TRPM4: variants seen among roughly 807,000 people sequenced by gnomAD.
TRPM4 encodes the protein calcium-activated non-selective cation channel 1.
Under a neutral mutation model 135.6 loss-of-function variants are expected in TRPM4, and 124 were observed. That is an observed-to-expected ratio of 0.91 (90% confidence interval 0.79 to 1.06). TRPM4 has a LOEUF of 1.06. TRPM4 is among the 50% of genes least tolerant of loss of function. The probability of loss-of-function intolerance (pLI) is 0.00; values close to 1 mark genes in which losing one functional copy is unlikely to be tolerated. For missense variants in TRPM4, 1,658 were observed against 1,671.4 expected (o/e 0.99, Z 0.14); for synonymous variants, 745 against 705.6 (o/e 1.06, Z -0.88).
At chr19:49,181,482 G>T in intron 10 of TRPM4, 21 bp downstream of exon 10, 2 of 1,566,114 alleles carry the variant, frequency 1.3e-6, no homozygotes, top group South Asian at 1.1e-5. Flanking sequence ...AGGGCCTGGG[G>T]GTTGGGCATA....
intron 2 of TRPM4, 110 bp downstream of exon 2, chr19:49,158,369 C>A (rs976840610): frequency 9.7e-7 from 1 of 1,035,608 alleles, no homozygotes; most frequent in Middle Eastern, 2.1e-4. Flanking sequence ...ACTCGGGGAC[C>A]TTCCCAAGGG....
At position 49,171,780 on chromosome 19, in the gene TRPM4, G is replaced by C. The variant is rs2122836589; in HGVS notation, c.1050+11G>C. 1.9e-6 allele frequency: 3 copies of C among 1,606,758 alleles called. No individual in the cohort carries two copies. The highest frequency in any genetic ancestry group is 2.5e-6 in the Non-Finnish European group (3 of 1,178,756). Reference sequence around the variant, plus strand: ...GTCCTGCAGGCCCAGGTATGACACTGGGGGCCCAACTCTGGATCCTGAGAT... The same window carrying C: ...GTCCTGCAGGCCCAGGTATGACACTCGGGGCCCAACTCTGGATCCTGAGAT... On this transcript the variant is annotated intron_variant, in intron 8 of 24. Coordinates refer to ENST00000252826, the MANE Select transcript of TRPM4 (RefSeq NM_017636.4). This position sits in a 1 kb window ranked among gnomAD's most constrained non-coding sequence, Gnocchi z 4.7.
intron 20 of TRPM4, among the ~76,000 whole-genome samples, chr19:49,204,748 A>G (rs895213925): frequency 2.6e-5 from 4 of 151,020 alleles, no homozygotes; most frequent in Admixed American, 6.6e-5. Context: ...TTTAGTAGAA[A>G]CGGGGTTTCA....
In TRPM4 at chr19:49,210,633, T is replaced by A; in HGVS notation, c.3329-77T>A. 2 of 1,608,814 alleles carry A rather than the reference T, an allele frequency of 1.2e-6. No individual in the cohort carries two copies. Among genetic ancestry groups the A allele is most frequent in the Non-Finnish European group, 1.7e-6 (2 of 1,176,552 alleles). ...GCTGGGTCTGGGATAGCGTGCGTGT[T>A]CTGAGGGTGTCGGAAGGGGCAGCTG... On this transcript the variant is annotated intron_variant, in intron 21 of 24. Coordinates refer to ENST00000252826, the MANE Select transcript of TRPM4 (RefSeq NM_017636.4). This position sits in a 1 kb window ranked among gnomAD's most constrained non-coding sequence, Gnocchi z 4.1.
intron 19 of TRPM4, 45 bp downstream of exon 19, chr19:49,200,830 C>T: frequency 6.2e-7 from 1 of 1,601,406 alleles, no homozygotes; most frequent in Non-Finnish European, 8.5e-7. Context: ...AGTCTCTGTC[C>T]CCGCTCCCTG....
rs550934129 is a variant in TRPM4, at chr19:49,196,445, C to T, written c.2216C>T (p.Ala739Val). ...TCTCTTCTCTTCCCCCACAGGACGG[C>T]GGACCCAGCCGAGAAGACGCCGCTG... ...VINGEGPVGTADPAEKTPLGV... is the reference protein window; with the variant it reads ...VINGEGPVGTVDPAEKTPLGV... Residue 739 changes from alanine (A) to valine (V), a missense_variant, in exon 17 of 25, where the codon GCG becomes GTG. This residue lies in a region of TRPM4 where 1,412 missense variants were observed against 1,408.7 expected (regional missense o/e 1.00). Coordinates refer to ENST00000252826, the MANE Select transcript of TRPM4 (RefSeq NM_017636.4). The T allele has an allele frequency of 6.5e-6, 10 of 1,540,042 alleles. No individual in the cohort carries two copies. In the African/African-American group the frequency reaches 8.2e-5, roughly 13 times the overall value.
chr19:49,190,924 G>A (rs143743255), intron 16 of TRPM4, 151 bp downstream of exon 16: 142 of 659,480 alleles, frequency 2.2e-4, no homozygotes, highest in Middle Eastern at 1.7e-3. Flanking sequence ...AGGTTTCATT[G>A]GCTCATGGTT....
intron 2 of TRPM4, among the ~76,000 whole-genome samples, chr19:49,161,657 T>A (rs1327120671): frequency 6.9e-6 from 1 of 144,836 alleles, no homozygotes; most frequent in Admixed American, 7.1e-5. Context: ...TGAGACGGAG[T>A]CTCGCTCTAT....
Position 49,171,662 on chromosome 19 carries a change from C to G in TRPM4, c.943C>G (p.Leu315Val). 6.2e-7 allele frequency: 1 copy of G among 1,614,010 alleles called. No individual in the cohort carries two copies. The highest frequency in any genetic ancestry group is 8.5e-7 in the Non-Finnish European group (1 of 1,180,020). Residue 315 changes from leucine (L) to valine (V), a missense_variant, in exon 8 of 25, where the codon CTG becomes GTG. Physicochemically the swap from Leu to Val is conservative, Grantham distance 32. Coordinates refer to ENST00000252826, the MANE Select transcript of TRPM4 (RefSeq NM_017636.4). The surrounding 1 kb of genome is among the most constrained non-coding windows in gnomAD (Gnocchi z 4.7). ...AGCTGCGGACTGCCTGGCGGAGACC[C>G]TGGAAGACACTCTGGCCCCAGGGAG... ...GGAADCLAET[L>V]EDTLAPGSGG... is the part of the protein sequence containing the mutation.
intron 2 of TRPM4, 60 bp downstream of exon 2, chr19:49,158,319 G>A (rs2041558303): frequency 3.3e-6 from 5 of 1,503,784 alleles, no homozygotes; most frequent in East Asian, 2.3e-5. Context: ...CCCCGCCCGC[G>A]GATGGTCACG....
Position 49,171,704 on chromosome 19 carries a change from G to A in TRPM4, c.985G>A (p.Gly329Ser). The change falls in exon 8 of 25, where the codon GGC (glycine) becomes AGC (serine). Residue 329 changes from glycine to serine, a missense_variant. By Grantham distance (56) the Gly-to-Ser change is moderately conservative (BLOSUM62 0). This residue lies in a region of TRPM4 where 1,412 missense variants were observed against 1,408.7 expected (regional missense o/e 1.00). Transcript: ENST00000252826. This position sits in a 1 kb window ranked among gnomAD's most constrained non-coding sequence, Gnocchi z 4.7. ...LAPGSGGARQGEARDRIRRFF... is the reference protein window; with the variant it reads ...LAPGSGGARQSEARDRIRRFF... ...CCCAGGGAGTGGGGGAGCCAGGCAA[G>A]GCGAAGCCCGAGATCGAATCAGGCG... The A allele has an allele frequency of 6.2e-7, 1 of 1,613,940 alleles. No individual in the cohort carries two copies. The highest frequency in any genetic ancestry group is 1.1e-5 in the South Asian group (1 of 91,086).
At chr19:49,187,735 A>G (rs1010369612) in intron 12 of TRPM4, among the ~76,000 whole-genome samples, 3 of 152,128 alleles carry the variant, frequency 2.0e-5, no homozygotes, top group African/African-American at 7.2e-5. Flanking sequence ...TATCACTCAA[A>G]TCAGTCTCCT....
Position 49,210,325 on chromosome 19 carries a change from C to G in TRPM4, c.3248C>G (p.Ser1083Cys), listed in dbSNP as rs773536040. ...CTGGCCCCGCCCTTTATCGTCATCT[C>G]CCACTTGCGCCTCCTGCTCAGGCAA... is the stretch of plus-strand genomic sequence containing the variant. ...PALAPPFIVISHLRLLLRQLC... is the reference protein window; with the variant it reads ...PALAPPFIVICHLRLLLRQLC... Residue 1083 changes from serine to cysteine, a missense_variant, in exon 21 of 25, where the codon TCC (serine) becomes TGC (cysteine). By Grantham distance (112) the Ser-to-Cys change is moderately radical (BLOSUM62 -1). Coordinates refer to ENST00000252826, the MANE Select transcript of TRPM4 (RefSeq NM_017636.4). This position sits in a 1 kb window ranked among gnomAD's most constrained non-coding sequence, Gnocchi z 4.1. The G allele has an allele frequency of 1.2e-6, 2 of 1,614,242 alleles. No homozygotes were observed. The highest frequency in any genetic ancestry group is 1.7e-6 in the Non-Finnish European group (2 of 1,180,054).
chr19:49,178,396 G>A (rs1967782977), intron 9 of TRPM4, among the ~76,000 whole-genome samples: 2 of 152,088 alleles, frequency 1.3e-5, no homozygotes, highest in South Asian at 2.1e-4. Context: ...TGCAGTGATG[G>A]TGTTTGGGGG....
At chr19:49,167,490 T>C (rs1210277337) in intron 3 of TRPM4, among the ~76,000 whole-genome samples, 396 of 106,588 alleles carry the variant, frequency 3.7e-3, no homozygotes, top group African/African-American at 0.016. Flanking sequence ...TCTCTGTCCC[T>C]CTCTCTCTGG....
chr19:49,178,684 G>C lies in TRPM4; in HGVS notation c.1151-2665G>C, dbSNP rs1003759889. ...TCTGAAGGGACAAGGTGGGGCCAGGGTCGAGTGCCCAGGTGACAAATGGTG... is the reference window on the plus strand; with the variant it reads ...TCTGAAGGGACAAGGTGGGGCCAGGCTCGAGTGCCCAGGTGACAAATGGTG... On this transcript the variant is annotated intron_variant, in intron 9 of 24. Transcript: ENST00000252826. 3.9e-5 allele frequency among the ~76,000 whole-genome samples: 6 copies of C among 152,114 alleles called. No individual in the cohort carries two copies. The East Asian group carries it at 1.2e-3, about 29-fold the overall frequency.
chr19:49,159,910 T>G (rs1051526126), intron 2 of TRPM4: 1 of 152,258 alleles, frequency 6.6e-6, no homozygotes, highest in Non-Finnish European at 1.5e-5. Context: ...TAAACAGATA[T>G]GCGCTTGTTG....
Position 49,210,664 on chromosome 19 carries a change from G to A in TRPM4, c.3329-46G>A. 1 of 1,613,660 alleles carries A rather than the reference G, an allele frequency of 6.2e-7. No homozygotes were observed. Among genetic ancestry groups the A allele is most frequent in the Non-Finnish European group, 8.5e-7 (1 of 1,179,938 alleles). On this transcript the variant is annotated intron_variant, in intron 21 of 24. Coordinates refer to ENST00000252826, the MANE Select transcript of TRPM4 (RefSeq NM_017636.4). The surrounding 1 kb of genome is among the most constrained non-coding windows in gnomAD (Gnocchi z 4.1). ...GGTGTCGGAAGGGGCAGCTGGGATT[G>A]GGAAGGGGCGTGGCCTGAGCCCTTT...
In TRPM4 at chr19:49,168,411, C is replaced by T. The variant is rs373432937; in HGVS notation, c.600C>T (p.Leu200=). Residue 200 remains leucine (L), a synonymous_variant, in exon 5 of 25, where the codon CTC becomes CTT. Transcript: ENST00000252826. ...PWGVVRNRDT[L]INPKGSFPAR... ...GTGTGGTCCGGAATAGAGACACCCT[C>T]ATCAACCCCAAGGTGTGACCCAGGG... 1.9e-6 allele frequency: 3 copies of T among 1,613,894 alleles called. No individual in the cohort carries two copies. Among genetic ancestry groups the T allele is most frequent in the East Asian group, 2.2e-5 (1 of 44,894 alleles).
Sources: allele counts gnomAD v4.1 joint callset (sites outside exome capture counted in the v4.1 genomes callset), GRCh38; gene constraint gnomAD v4.1.1; regional missense constraint gnomAD v4.1.1; non-coding constraint Gnocchi (gnomAD v3.1); transcripts MANE v1.5; gene names NCBI Gene and HGNC (gene_info 2026-07-23, HGNC 2026-07-21).